Variants in AKAP8L observed in about 807,000 individuals in gnomAD.
AKAP8L encodes A-kinase anchor protein 8-like.
AKAP8L carries 34 observed loss-of-function variants against 77.5 expected under a neutral mutation model. The ratio of observed to expected loss-of-function variants is 0.44; its 90% CI spans 0.33 to 0.58. The LOEUF (loss-of-function observed/expected upper bound fraction) is 0.58, where lower values mean the gene tolerates loss of function less well. AKAP8L is among the 20% of genes least tolerant of loss of function. The pLI, the probability that AKAP8L is intolerant of heterozygous loss-of-function variation, is 0.02. For synonymous variants in AKAP8L, 342 were observed against 340.7 expected (o/e 1.00, Z -0.04); for missense variants, 806 against 887.6 (o/e 0.91, Z 1.17).
chr19:15,400,968 C>G lies in AKAP8L; in HGVS notation c.892G>C (p.Asp298His). The change falls in exon 6 of 14, where the codon GAC (aspartate) becomes CAC (histidine). Residue 298 changes from aspartate to histidine, a missense_variant. This residue lies in a region of AKAP8L where 580 missense variants were observed against 694.1 expected (regional missense o/e 0.84). Transcript: ENST00000397410. ...DSKATRTDCS[D>H]NSDSDNDEGT... The stretch of plus-strand genomic sequence containing the variant: ...TCACCATTGTCTGAGTCGCTGTTGT[C>G]CGAGCAGTCCGTGCGGGTGGCTTTG... The G allele has an allele frequency of 6.2e-7, 1 of 1,613,998 alleles. No individual in the cohort carries two copies. Among genetic ancestry groups the G allele is most frequent in the Non-Finnish European group, 8.5e-7 (1 of 1,179,886 alleles).
chr19:15,393,751 T>C (rs550912503), intron 12 of AKAP8L, among the ~76,000 whole-genome samples: 1 of 151,984 alleles, frequency 6.6e-6, no homozygotes, highest in African/African-American at 2.4e-5. Context: ...AGAAACCCCG[T>C]CTCTACTAAA....
chr19:15,399,289 G>T lies in AKAP8L; in HGVS notation c.1157+13C>A, dbSNP rs1967840600. The T allele has an allele frequency of 6.2e-7, 1 of 1,609,670 alleles. No homozygotes were observed. Among genetic ancestry groups the T allele is most frequent in the South Asian group, 1.1e-5 (1 of 90,980 alleles). On this transcript the variant is annotated intron_variant, in intron 9 of 13. Transcript: ENST00000397410. The surrounding 1 kb of genome is among the most constrained non-coding windows in gnomAD (Gnocchi z 6.1). ...GCGAGGCAGAGGCAGAGGGGTGGAG[G>T]GAAGCTGGTTACCTTTCCACCATGC... is the stretch of plus-strand genomic sequence containing the variant.
At chr19:15,410,837 A>T (rs1428610826) in intron 1 of AKAP8L, among the ~76,000 whole-genome samples, 1 of 152,180 alleles carries the variant, frequency 6.6e-6, no homozygotes, top group Non-Finnish European at 1.5e-5. Flanking sequence ...CTTTTTAAAA[A>T]CAAGGTCTCA....
Position 15,400,290 on chromosome 19 carries a change from C to CGGG in AKAP8L, c.1048+4_1048+5insCCC. On this transcript the variant is annotated splice_donor_region_variant and intron_variant, in intron 8 of 13. Transcript: ENST00000397410. ...CCTAGCACCAGGCACCCCAGGAAAA[C>CGGG]TCACCCTTCTCTGGATCCTCTTTGC... 7 of 1,593,026 alleles carry CGGG rather than the reference C, an allele frequency of 4.4e-6. No homozygotes were observed. Among genetic ancestry groups the CGGG allele is most frequent in the South Asian group, 1.1e-5 (1 of 90,662 alleles).
chr19:15,393,984 G>C (rs1247885810), intron 12 of AKAP8L, among the ~76,000 whole-genome samples: 3 of 151,770 alleles, frequency 2.0e-5, no homozygotes, highest in African/African-American at 7.3e-5. Context: ...GTTGCTGGTG[G>C]AAATGTAAAA....
intron 12 of AKAP8L, among the ~76,000 whole-genome samples, chr19:15,387,733 G>C (rs895143078): frequency 3.3e-5 from 5 of 152,156 alleles, no homozygotes; most frequent in African/African-American, 9.7e-5. Flanking sequence ...GGCTGAGGTG[G>C]GTGGCTCATA....
At position 15,401,455 on chromosome 19, in the gene AKAP8L, G is replaced by T. The variant is rs541380620; in HGVS notation, c.511C>A (p.Arg171Ser). Residue 171 changes from arginine (R) to serine (S), a missense_variant, in exon 5 of 14, where the codon CGT (arginine) becomes AGT (serine). Transcript: ENST00000397410. The surrounding 1 kb of genome is among the most constrained non-coding windows in gnomAD (Gnocchi z 6.2). ...CTGGGACCGAAGGTGTCGTTGCCAC[G>T]CATGCGGAACTGGTCGCGGTAGGCA... ...YDAYRDQFRM[R>S]GNDTFGPRAQ... is the part of the protein sequence containing the mutation. The T allele has an allele frequency of 6.2e-7, 1 of 1,613,740 alleles. No homozygotes were observed.
chr19:15,414,552 G>A (rs1184921510), intron 1 of AKAP8L, among the ~76,000 whole-genome samples: 6 of 149,456 alleles, frequency 4.0e-5, no homozygotes, highest in African/African-American at 1.5e-4. Context: ...GCAGTGGCAC[G>A]ATCTTGGCTC....
rs1479068361 is a variant in AKAP8L, at chr19:15,403,745, T to A, written c.122-30A>T. ...AGTGAGGGAGACAGAGACAGACAGA[T>A]GGTGGGGGCAGGCAGAGGGGAGGCA... On this transcript the variant is annotated intron_variant, in intron 3 of 13. Transcript: ENST00000397410. This position sits in a 1 kb window ranked among gnomAD's most constrained non-coding sequence, Gnocchi z 4.3. 6.6e-7 allele frequency: 1 copy of A among 1,526,036 alleles called. No individual in the cohort carries two copies. Among genetic ancestry groups the A allele is most frequent in the Non-Finnish European group, 8.9e-7 (1 of 1,121,202 alleles). The allele number at this position is 1,526,036 out of a possible 1,614,324, so 94.5% of individuals were successfully genotyped here.
intron 12 of AKAP8L, among the ~76,000 whole-genome samples, chr19:15,381,630 T>C (rs74527647): frequency 2.0e-5 from 3 of 152,128 alleles, no homozygotes; most frequent in Non-Finnish European, 2.9e-5. Flanking sequence ...TTTTTTTTTT[T>C]CCTTAGCACG....
intron 2 of AKAP8L, among the ~76,000 whole-genome samples, chr19:15,405,212 C>A (rs1456440233): frequency 6.6e-6 from 1 of 152,144 alleles, no homozygotes; most frequent in African/African-American, 2.4e-5. Context: ...TTCTAAGAGG[C>A]AAGAGAGGCT....
Position 15,400,999 on chromosome 19 carries a change from T to C in AKAP8L, c.861A>G (p.Pro287=). The change falls in exon 6 of 14, where the codon CCA becomes CCG. Residue 287 remains proline (P), a synonymous_variant. Coordinates refer to ENST00000397410, the MANE Select transcript of AKAP8L (RefSeq NM_014371.4). ...AGTCCGTGCGGGTGGCTTTGCTATC[T>C]GGCTCATCAGGACTGCCGCCCTGCT... ...KRKQGGSPDE[P]DSKATRTDCS... is the part of the protein sequence containing the mutation. The C allele has an allele frequency of 6.2e-7, 1 of 1,613,962 alleles. No individual in the cohort carries two copies. The highest frequency in any genetic ancestry group is 8.5e-7 in the Non-Finnish European group (1 of 1,179,886).
At position 15,398,914 on chromosome 19, in the gene AKAP8L, CTCTTGG is replaced by C; in HGVS notation, c.1157+382_1157+387del. On this transcript the variant is annotated intron_variant, in intron 9 of 13. Coordinates refer to ENST00000397410, the MANE Select transcript of AKAP8L (RefSeq NM_014371.4). This position sits in a 1 kb window ranked among gnomAD's most constrained non-coding sequence, Gnocchi z 9.2. Reference sequence around the variant, plus strand: ...CATCTCTCCTGGGCACGGCGGTGGCCTCTTGGCAGCTAGCTGGGGCGGCACAGGCGC... The same window carrying C: ...CATCTCTCCTGGGCACGGCGGTGGCCCAGCTAGCTGGGGCGGCACAGGCGC... 1 of 633,228 alleles carries C rather than the reference CTCTTGG, an allele frequency of 1.6e-6. No homozygotes were observed. Among genetic ancestry groups the C allele is most frequent in the Non-Finnish European group, 2.1e-6 (1 of 470,932 alleles). The allele number at this position is 633,228 out of a possible 1,614,324, so 39.2% of individuals were successfully genotyped here.
chr19:15,413,125 C>T (rs1351090764), intron 1 of AKAP8L, among the ~76,000 whole-genome samples: 1 of 152,182 alleles, frequency 6.6e-6, no homozygotes, highest in Non-Finnish European at 1.5e-5. Flanking sequence ...CATTTATCTG[C>T]AATGATCTCA....
chr19:15,406,170 C>T (rs1439197250), intron 2 of AKAP8L, among the ~76,000 whole-genome samples: 1 of 152,078 alleles, frequency 6.6e-6, no homozygotes, highest in Non-Finnish European at 1.5e-5. Flanking sequence ...CAAACACTCA[C>T]TACATGCCAC....
rs1219714416 is a variant in AKAP8L at position 15,401,639 on chromosome 19, C to T, written c.363-36G>A. On this transcript the variant is annotated intron_variant, in intron 4 of 13. Coordinates refer to ENST00000397410, the MANE Select transcript of AKAP8L (RefSeq NM_014371.4). This position sits in a 1 kb window ranked among gnomAD's most constrained non-coding sequence, Gnocchi z 6.2. ...ATGGGGTGAGCATCAGGTGGAGCCCCTCAGGATCCCTCACCTCCAGGCAAC... is the reference window on the plus strand; with the variant it reads ...ATGGGGTGAGCATCAGGTGGAGCCCTTCAGGATCCCTCACCTCCAGGCAAC... 6.8e-7 allele frequency: 1 copy of T among 1,480,902 alleles called. No individual in the cohort carries two copies. The highest frequency in any genetic ancestry group is 2.0e-5 in the Admixed American group (1 of 49,530). The allele number at this position is 1,480,902 out of a possible 1,614,324, so 91.7% of individuals were successfully genotyped here.
chr19:15,412,029 G>T (rs1412716774), intron 1 of AKAP8L, among the ~76,000 whole-genome samples: 1 of 152,226 alleles, frequency 6.6e-6, no homozygotes, highest in Non-Finnish European at 1.5e-5. Context: ...CCAATATGGT[G>T]AAACCCTGTC....
At chr19:15,414,895 C>T (rs1366186675) in intron 1 of AKAP8L, among the ~76,000 whole-genome samples, 4 of 152,212 alleles carry the variant, frequency 2.6e-5, no homozygotes. Context: ...GCCTCCGGGG[C>T]TCAAGTGATC....
At chr19:15,400,004 G>T in intron 8 of AKAP8L, 1 of 527,736 alleles carries the variant, frequency 1.9e-6, no homozygotes, top group Non-Finnish European at 3.4e-6. Flanking sequence ...CGAGGGCAGG[G>T]GGCGTGCCTG....
Sources: allele counts gnomAD v4.1 joint callset (sites outside exome capture counted in the v4.1 genomes callset), GRCh38; gene constraint gnomAD v4.1.1; regional missense constraint gnomAD v4.1.1; non-coding constraint Gnocchi (gnomAD v3.1); transcripts MANE v1.5; gene names NCBI Gene and HGNC (gene_info 2026-07-23, HGNC 2026-07-21).